Variants in SH3RF3 observed in about 807,000 individuals in gnomAD.
The protein encoded by SH3RF3 is SH3 domain containing ring finger 3, also known as E3 ubiquitin-protein ligase SH3RF3.
SH3RF3 carries 29 observed loss-of-function variants against 66.3 expected under a neutral mutation model. The observed-to-expected ratio is 0.44, with a 90% CI of 0.33 to 0.60. The LOEUF (loss-of-function observed/expected upper bound fraction) is 0.60. SH3RF3 is among the 20% of genes least tolerant of loss of function. The pLI, the probability that SH3RF3 is intolerant of heterozygous loss-of-function variation, is 0.04. For synonymous variants in SH3RF3, 583 were observed against 532.0 expected, an observed-to-expected ratio of 1.10 and a Z score of -1.32; for missense variants, 1,194 against 1,190.9, an observed-to-expected ratio of 1.00 and a Z score of -0.04.
intron 1 of SH3RF3, among the ~76,000 whole-genome samples, chr2:109,141,828 G>T (rs1180699150): frequency 6.6e-6 from 1 of 152,112 alleles, no homozygotes; most frequent in African/African-American, 2.4e-5. Context: ...GCTCAGCAAA[G>T]CCAGGTCCTC....
intron 5 of SH3RF3, among the ~76,000 whole-genome samples, chr2:109,425,314 T>C (rs989216014): frequency 6.6e-6 from 1 of 152,344 alleles, no homozygotes; most frequent in Admixed American, 6.5e-5. Context: ...ATGGAAAAGC[T>C]GTAGCAAGTT....
intron 1 of SH3RF3, among the ~76,000 whole-genome samples, chr2:109,154,943 C>T (rs1677306364): frequency 2.0e-5 from 3 of 152,318 alleles, no homozygotes; most frequent in African/African-American, 7.2e-5. Flanking sequence ...CACGACTTGT[C>T]AAAAGAGGCT....
chr2:109,318,385 A>T (rs1681937137), intron 1 of SH3RF3, among the ~76,000 whole-genome samples: 1 of 152,044 alleles, frequency 6.6e-6, no homozygotes, highest in African/African-American at 2.4e-5. Flanking sequence ...ACCTGGGGTG[A>T]GGAAGAAATG....
chr2:109,216,723 A>G (rs1027185495), intron 1 of SH3RF3, among the ~76,000 whole-genome samples: 7 of 152,230 alleles, frequency 4.6e-5, no homozygotes, highest in Admixed American at 3.3e-4. Flanking sequence ...TGCTTGTCTG[A>G]TCATTTGCTA....
intron 1 of SH3RF3, among the ~76,000 whole-genome samples, chr2:109,257,170 C>T (rs1680240867): frequency 6.6e-6 from 1 of 152,208 alleles, no homozygotes; most frequent in Non-Finnish European, 1.5e-5. Flanking sequence ...GAAAAGTGCC[C>T]ACTGGGGCAG....
intron 3 of SH3RF3, among the ~76,000 whole-genome samples, chr2:109,392,986 T>C (rs574771039): frequency 1.3e-5 from 2 of 152,318 alleles, no homozygotes; most frequent in East Asian, 3.9e-4. Flanking sequence ...CCGCCCCTGC[T>C]TAGTCTCCTG....
intron 1 of SH3RF3, among the ~76,000 whole-genome samples, chr2:109,294,774 G>T (rs1384755933): frequency 6.6e-6 from 1 of 152,140 alleles, no homozygotes; most frequent in Non-Finnish European, 1.5e-5. Context: ...ACCCGAGTGG[G>T]AGGATGGCTC....
intron 1 of SH3RF3, among the ~76,000 whole-genome samples, chr2:109,257,866 CACAG>C (rs1332362332): frequency 3.3e-5 from 5 of 152,122 alleles, no homozygotes; most frequent in Admixed American, 1.3e-4. Flanking sequence ...TCACAGTAAA[CACAG>C]ACAGAGCACA....
chr2:109,416,228 G>A (rs1389815324), intron 4 of SH3RF3, among the ~76,000 whole-genome samples: 3 of 152,032 alleles, frequency 2.0e-5, no homozygotes, highest in Non-Finnish European at 2.9e-5. Context: ...TCCCAGCCAC[G>A]CCCAGCCCAG....
At chr2:109,351,402 A>C (rs1389563211) in intron 2 of SH3RF3, among the ~76,000 whole-genome samples, 1 of 152,216 alleles carries the variant, frequency 6.6e-6, no homozygotes, top group Non-Finnish European at 1.5e-5. Flanking sequence ...TGATATAAAT[A>C]AATTGTGGAG....
chr2:109,249,758 G>A (rs573293270), intron 1 of SH3RF3, among the ~76,000 whole-genome samples: 111 of 151,798 alleles, frequency 7.3e-4, no homozygotes, highest in Non-Finnish European at 1.2e-3. Flanking sequence ...CCAGGTTCAC[G>A]CCATTCTCCT....
At chr2:109,486,103 T>A (rs1678969818) in intron 8 of SH3RF3, among the ~76,000 whole-genome samples, 1 of 152,216 alleles carries the variant, frequency 6.6e-6, no homozygotes, top group African/African-American at 2.4e-5. Flanking sequence ...TAACCCTCAA[T>A]AACCTTTCTT....
At chr2:109,458,856 C>T (rs920800543) in intron 8 of SH3RF3, among the ~76,000 whole-genome samples, 50 of 152,308 alleles carry the variant, frequency 3.3e-4, no homozygotes, top group East Asian at 1.9e-4. Context: ...AACACATTTG[C>T]CAAATGCCTT....
chr2:109,228,632 A>C (rs1679429561), intron 1 of SH3RF3, among the ~76,000 whole-genome samples: 1 of 152,142 alleles, frequency 6.6e-6, no homozygotes. Context: ...GTTACCTGGA[A>C]CTTCTGTGTG....
At position 109,260,536 on chromosome 2, in the gene SH3RF3, C is replaced by T. The variant is rs139823929; in HGVS notation, c.574-87138C>T. ...TGGAGCTTAGCACTTTCACTTGTAG[C>T]GTGGGCACAGGGACACCTTGGTCAT... On this transcript the variant is annotated intron_variant, in intron 1 of 9. Coordinates refer to ENST00000309415, the MANE Select transcript of SH3RF3 (RefSeq NM_001099289.3). 5.3e-5 allele frequency among the ~76,000 whole-genome samples: 8 copies of T among 152,266 alleles called. No individual in the cohort carries two copies. The East Asian group carries it at 7.7e-4, about 15-fold the overall frequency.
intron 1 of SH3RF3, among the ~76,000 whole-genome samples, chr2:109,140,128 T>TC (rs1049107084): frequency 2.4e-4 from 37 of 152,150 alleles, no homozygotes; most frequent in African/African-American, 8.4e-4. Flanking sequence ...CTGTCCACCG[T>TC]CCCCTCCTGC....
At chr2:109,231,441 G>C (rs984228759) in intron 1 of SH3RF3, among the ~76,000 whole-genome samples, 10 of 152,178 alleles carry the variant, frequency 6.6e-5, no homozygotes, top group Non-Finnish European at 1.5e-4. Context: ...TGCTTTTCTC[G>C]TGCAGACCAA....
At chr2:109,255,156 G>T (rs188503368) in intron 1 of SH3RF3, among the ~76,000 whole-genome samples, 1 of 152,130 alleles carries the variant, frequency 6.6e-6, no homozygotes, top group Non-Finnish European at 1.5e-5. Flanking sequence ...ACATGTGCAC[G>T]TGTGCAACTC....
intron 1 of SH3RF3, among the ~76,000 whole-genome samples, chr2:109,188,762 G>A (rs536748608): frequency 1.1e-4 from 16 of 152,176 alleles, no homozygotes; most frequent in Non-Finnish European, 2.1e-4. Flanking sequence ...CACCATCGCA[G>A]AAGCCAAGCG....
Sources: gnomAD v4.1 joint callset for allele counts (sites outside exome capture counted in the v4.1 genomes callset) on GRCh38, gnomAD v4.1.1 for gene constraint, MANE v1.5 for transcripts, NCBI Gene and HGNC (gene_info 2026-07-23, HGNC 2026-07-21) for gene names.